WRN: variants seen among roughly 807,000 people sequenced by gnomAD.
WRN encodes WRN RecQ like helicase.
WRN carries 149 observed loss-of-function variants against 180.7 expected under a neutral mutation model. The ratio of observed to expected loss-of-function variants is 0.82; its 90% CI spans 0.72 to 0.94. The LOEUF (loss-of-function observed/expected upper bound fraction) is 0.94. WRN is among the 40% of genes least tolerant of loss of function. WRN has a pLI of 0.00. For synonymous variants in WRN, 548 were observed against 568.9 expected (o/e 0.96, Z 0.52); for missense variants, 1,661 against 1,700.1 (o/e 0.98, Z 0.40).
chr8:31,048,329 A>G (rs1811946818), intron 1 of WRN, among the ~76,000 whole-genome samples: 2 of 152,206 alleles, frequency 1.3e-5, no homozygotes, highest in Admixed American at 6.5e-5. Flanking sequence ...AGAGAATTTA[A>G]TGAGGGCTTT....
chr8:31,081,007 G>A lies in WRN; in HGVS notation c.980G>A (p.Gly327Glu), dbSNP rs1204378799. The change falls in exon 9 of 35, where the codon GGA becomes GAA. Residue 327 changes from glycine (G) to glutamate (E), a missense_variant. Transcript: ENST00000298139. ...LLSFEDSTTGGVQQKQIREHE... is the reference protein window; with the variant it reads ...LLSFEDSTTGEVQQKQIREHE... ...TCCTTTGAAGATTCAACTACTGGGGGAGTACAACAGAAACAAATTAGAGAA... is the reference window on the plus strand; with the variant it reads ...TCCTTTGAAGATTCAACTACTGGGGAAGTACAACAGAAACAAATTAGAGAA... 1.2e-6 allele frequency: 2 copies of A among 1,613,990 alleles called. No individual in the cohort carries two copies. The highest frequency in any genetic ancestry group is 8.5e-7 in the Non-Finnish European group (1 of 1,179,964).
intron 18 of WRN, among the ~76,000 whole-genome samples, chr8:31,111,143 A>G (rs899370758): frequency 6.6e-6 from 1 of 152,094 alleles, no homozygotes; most frequent in Non-Finnish European, 1.5e-5. Context: ...ATAAACCTAT[A>G]TATTTAAAAT....
At position 31,058,541 on chromosome 8, in the gene WRN, A is replaced by G; in HGVS notation, c.94A>G (p.Lys32Glu). The G allele has an allele frequency of 6.2e-7, 1 of 1,613,570 alleles. No homozygotes were observed. Among genetic ancestry groups the G allele is most frequent in the Non-Finnish European group, 8.5e-7 (1 of 1,179,656 alleles). The change falls in exon 2 of 35, where the codon AAG becomes GAG. Residue 32 changes from lysine (K) to glutamate (E), a missense_variant and splice_region_variant. This residue lies in a region of WRN where 500 missense variants were observed against 504.1 expected (regional missense o/e 0.99). Coordinates refer to ENST00000298139, the MANE Select transcript of WRN (RefSeq NM_000553.6). Reference sequence around the variant, plus strand: ...TAAAAGATGTGCTGTAGAAGAAAGAAAGGTATGTTGTTCATTGACTATTCT... The same window carrying G: ...TAAAAGATGTGCTGTAGAAGAAAGAGAGGTATGTTGTTCATTGACTATTCT... ...QNKRCAVEER[K>E]ACVRKSVFED...
intron 23 of WRN, among the ~76,000 whole-genome samples, chr8:31,125,206 A>G (rs1020144337): frequency 2.0e-5 from 3 of 151,904 alleles, no homozygotes; most frequent in Admixed American, 6.6e-5. Context: ...AAATCTAAAC[A>G]TATCAATAGT....
intron 30 of WRN, among the ~76,000 whole-genome samples, chr8:31,150,078 C>T (rs1172637969): frequency 6.6e-6 from 1 of 152,094 alleles, no homozygotes; most frequent in African/African-American, 2.4e-5. Context: ...TTAACCTGTT[C>T]CTTTATGACA....
At chr8:31,087,984 A>G in intron 12 of WRN, 64 bp downstream of exon 12, 4 of 1,578,152 alleles carry the variant, frequency 2.5e-6, no homozygotes, top group African/African-American at 1.3e-5. Flanking sequence ...TTAACTTAGG[A>G]TCCAGTTTTG....
chr8:31,104,760 C>A (rs1010237806), intron 18 of WRN, among the ~76,000 whole-genome samples: 2 of 152,140 alleles, frequency 1.3e-5, no homozygotes, highest in African/African-American at 4.8e-5. Context: ...GGCTGTCCTT[C>A]CCCTGTTAAA....
At chr8:31,125,021 A>G (rs376233871) in intron 23 of WRN, 21 bp downstream of exon 23, 16 of 1,596,460 alleles carry the variant, frequency 1.0e-5, no homozygotes, top group Admixed American at 1.7e-5. Context: ...CTTATTATAG[A>G]TGGACATTCT....
intron 1 of WRN, among the ~76,000 whole-genome samples, chr8:31,056,214 T>A (rs1048606232): frequency 9.2e-5 from 14 of 152,188 alleles, no homozygotes; most frequent in African/African-American, 3.4e-4. Context: ...AAAGTTTGTG[T>A]TATTTGTGGA....
intron 20 of WRN, chr8:31,119,915 C>T (rs139236276): frequency 1.2e-4 from 36 of 299,162 alleles, no homozygotes; most frequent in South Asian, 1.2e-3. Context: ...CAGGTAAGGA[C>T]GCTTGAAACT....
At chr8:31,132,013 A>G (rs907636578) in intron 23 of WRN, among the ~76,000 whole-genome samples, 2 of 138,600 alleles carry the variant, frequency 1.4e-5, no homozygotes, top group Admixed American at 7.6e-5. Context: ...CAATATTTAT[A>G]TAATTGGTCA....
At chr8:31,117,226 GA>G (rs2130309382) in intron 20 of WRN, among the ~76,000 whole-genome samples, 1 of 152,300 alleles carries the variant, frequency 6.6e-6, no homozygotes, top group East Asian at 1.9e-4. Context: ...TAATGTGAGG[GA>G]AAAGGAGGTA....
At chr8:31,145,996 C>A (rs1802842285) in intron 28 of WRN, among the ~76,000 whole-genome samples, 1 of 151,544 alleles carries the variant, frequency 6.6e-6, no homozygotes, top group African/African-American at 2.4e-5. Context: ...TAAAATAATA[C>A]CTATACTTGA....
intron 11 of WRN, 78 bp from the exon 12 acceptor site, chr8:31,087,698 A>G: frequency 1.4e-6 from 2 of 1,466,804 alleles, no homozygotes; most frequent in South Asian, 1.1e-5. Flanking sequence ...CCCTGTTAAT[A>G]ATAGTCCTTT....
chr8:31,047,698 A>T (rs983950685), intron 1 of WRN, among the ~76,000 whole-genome samples: 1 of 152,226 alleles, frequency 6.6e-6, no homozygotes, highest in Non-Finnish European at 1.5e-5. Flanking sequence ...AGTAATAAAT[A>T]TAAAAGGAAA....
At chr8:31,149,406 T>C (rs1214322546) in intron 30 of WRN, among the ~76,000 whole-genome samples, 1 of 116,664 alleles carries the variant, frequency 8.6e-6, no homozygotes, top group South Asian at 2.7e-4. Context: ...AAAAAAAAAA[T>C]AAAAAATAAA....
intron 22 of WRN, 126 bp from the exon 23 acceptor site, chr8:31,124,782 A>T: frequency 8.3e-7 from 1 of 1,200,002 alleles, no homozygotes; most frequent in South Asian, 1.3e-5. Flanking sequence ...GTCTGAGTAA[A>T]CTGAAGTCAA....
Position 31,065,034 on chromosome 8 carries a change from G to C in WRN, c.475G>C (p.Val159Leu). The change falls in exon 5 of 35, where the codon GTG becomes CTG. Residue 159 changes from valine to leucine, a missense_variant. Physicochemically the swap from Val to Leu is conservative, Grantham distance 32 (BLOSUM62 1). This residue lies in a region of WRN where 500 missense variants were observed against 504.1 expected (regional missense o/e 0.99). Transcript: ENST00000298139. ...CTTTGATATCAAATTGAAGAATTTT[G>C]TGGAGTTGACAGATGTTGCCAATAA... is the stretch of plus-strand genomic sequence containing the variant. ...RDFDIKLKNFVELTDVANKKL... is the reference protein window; with the variant it reads ...RDFDIKLKNFLELTDVANKKL... 6.2e-7 allele frequency: 1 copy of C among 1,613,544 alleles called. No individual in the cohort carries two copies. The highest frequency in any genetic ancestry group is 1.1e-5 in the South Asian group (1 of 91,036).
intron 23 of WRN, among the ~76,000 whole-genome samples, chr8:31,130,012 A>AAC (rs1554530240): frequency 8.5e-5 from 10 of 117,114 alleles, no homozygotes; most frequent in South Asian, 2.8e-4. Context: ...CTCAAAAAAA[A>AAC]AACAAAACAA....
Sources: gnomAD v4.1 joint callset for allele counts (sites outside exome capture counted in the v4.1 genomes callset) on GRCh38, gnomAD v4.1.1 for gene constraint, gnomAD v4.1.1 regional missense constraint, MANE v1.5 for transcripts, NCBI Gene and HGNC (gene_info 2026-07-23, HGNC 2026-07-21) for gene names.